MAF: variants seen among roughly 807,000 people sequenced by gnomAD.
MAF encodes MAF bZIP transcription factor.
A neutral mutation model predicts 22.0 loss-of-function variants in MAF; 10 were observed. The ratio of observed to expected loss-of-function variants is 0.45; its 90% CI spans 0.28 to 0.77. The LOEUF (loss-of-function observed/expected upper bound fraction) is 0.77. MAF is among the 30% of genes least tolerant of loss of function. The pLI is 0.12. For missense variants in MAF, 544 were observed against 548.4 expected (o/e 0.99, Z 0.08); for synonymous variants, 337 against 255.8 (o/e 1.32, Z -3.03).
chr16:79,439,257 C>CTTTTTTTTTTTTTT, the MAF span, among the ~76,000 whole-genome samples: 6 of 130,804 alleles, frequency 4.6e-5, 2 homozygotes, highest in Non-Finnish European at 4.9e-5. Context: ...TAGGTACTTA[C>CTTTTTTTTTTTTTT]TTTTTTTTTT....
chr16:79,369,577 T>G, the MAF span, among the ~76,000 whole-genome samples: 1 of 152,372 alleles, frequency 6.6e-6, no homozygotes, highest in East Asian at 1.9e-4. Flanking sequence ...TTATTTTTCC[T>G]GCCACAGCCT....
chr16:79,238,649 T>C, the MAF span, among the ~76,000 whole-genome samples: 3 of 152,174 alleles, frequency 2.0e-5, no homozygotes, highest in South Asian at 6.2e-4. Context: ...GGACATTCAA[T>C]TTAATTCGAA....
At chr16:79,444,836 G>T in the MAF span, among the ~76,000 whole-genome samples, 1 of 152,230 alleles carries the variant, frequency 6.6e-6, no homozygotes, top group African/African-American at 2.4e-5. Context: ...ATCCCAGATT[G>T]ATTTCAATGA....
the MAF span, among the ~76,000 whole-genome samples, chr16:79,393,165 G>A: frequency 2.0e-5 from 3 of 152,136 alleles, no homozygotes; most frequent in Non-Finnish European, 4.4e-5. Context: ...TTTTGATTCC[G>A]TTATTTCTCA....
chr16:79,388,520 A>G, the MAF span, among the ~76,000 whole-genome samples: 1 of 152,204 alleles, frequency 6.6e-6, no homozygotes, highest in Non-Finnish European at 1.5e-5. Flanking sequence ...TTGGCTATGT[A>G]TTAACTGTGT....
At chr16:79,221,665 G>C in the MAF span, among the ~76,000 whole-genome samples, 2 of 152,140 alleles carry the variant, frequency 1.3e-5, no homozygotes, top group East Asian at 1.9e-4. Flanking sequence ...GCTGATAAGA[G>C]TGTATGTGAT....
the MAF span, among the ~76,000 whole-genome samples, chr16:79,281,694 G>T: frequency 4.9e-4 from 74 of 151,974 alleles, no homozygotes; most frequent in Middle Eastern, 6.8e-3. Flanking sequence ...GACTACAGGT[G>T]CACCACCACG....
chr16:79,458,268 T>C, the MAF span, among the ~76,000 whole-genome samples: 1 of 152,070 alleles, frequency 6.6e-6, no homozygotes, highest in Non-Finnish European at 1.5e-5. Flanking sequence ...CACCTGAGTT[T>C]CTTCCTCGTG....
chr16:79,337,688 G>T, the MAF span, among the ~76,000 whole-genome samples: 1 of 152,184 alleles, frequency 6.6e-6, no homozygotes, highest in East Asian at 1.9e-4. Context: ...AGCAGCAGGT[G>T]CTCACACACA....
At chr16:79,572,523 G>A in the MAF span, among the ~76,000 whole-genome samples, 3 of 152,144 alleles carry the variant, frequency 2.0e-5, no homozygotes, top group African/African-American at 7.2e-5. Flanking sequence ...AGCAAATTCA[G>A]GTTGATCAGG....
At chr16:79,528,520 A>C in the MAF span, among the ~76,000 whole-genome samples, 2 of 152,206 alleles carry the variant, frequency 1.3e-5, no homozygotes, top group African/African-American at 4.8e-5. Context: ...ACTGAAATCC[A>C]GATTCAGCAT....
chr16:79,331,035 T>C, the MAF span, among the ~76,000 whole-genome samples: 106,035 of 152,080 alleles, frequency 0.7, 38,331 homozygotes, highest in East Asian at 0.99. Flanking sequence ...ACCTCTGGGC[T>C]CAGATGGGAA....
the MAF span, among the ~76,000 whole-genome samples, chr16:79,254,200 A>C: frequency 7.2e-4 from 109 of 152,230 alleles, 2 homozygotes; most frequent in African/African-American, 2.5e-3. Flanking sequence ...TTTTCGAATA[A>C]TTTTCTACTA....
chr16:79,448,939 T>C, the MAF span, among the ~76,000 whole-genome samples: 2 of 152,298 alleles, frequency 1.3e-5, no homozygotes, highest in South Asian at 4.1e-4. Flanking sequence ...GTGCACTTTA[T>C]TTCTGTTATG....
At chr16:79,432,290 C>T in the MAF span, among the ~76,000 whole-genome samples, 4 of 152,122 alleles carry the variant, frequency 2.6e-5, no homozygotes, top group African/African-American at 4.8e-5. Flanking sequence ...CCTAGCCATG[C>T]GGATCTGTGG....
chr16:79,363,731 T>TG, the MAF span, among the ~76,000 whole-genome samples: 1 of 152,112 alleles, frequency 6.6e-6, no homozygotes, highest in South Asian at 2.1e-4. Context: ...CCTCAGTGAA[T>TG]GGGGTCACTG....
the MAF span, among the ~76,000 whole-genome samples, chr16:79,524,556 A>G: frequency 6.6e-6 from 1 of 152,290 alleles, no homozygotes; most frequent in South Asian, 2.1e-4. Flanking sequence ...AGAGTGTTTT[A>G]CCCTTCATAG....
chr16:79,448,981 C>G, the MAF span, among the ~76,000 whole-genome samples: 6 of 152,048 alleles, frequency 3.9e-5, no homozygotes, highest in Admixed American at 3.9e-4. Context: ...AATAATTATA[C>G]AACTCACCAT....
the MAF span, among the ~76,000 whole-genome samples, chr16:79,272,165 C>T: frequency 2.6e-5 from 4 of 152,208 alleles, no homozygotes; most frequent in African/African-American, 9.6e-5. Context: ...TGAAAACGTT[C>T]AGCTTGATGT....
Sources: gnomAD v4.1 joint callset for allele counts (sites outside exome capture counted in the v4.1 genomes callset) on GRCh38, gnomAD v4.1.1 for gene constraint, MANE v1.5 for transcripts, NCBI Gene and HGNC (gene_info 2026-07-23, HGNC 2026-07-21) for gene names.